ERBB2: variants seen among roughly 807,000 people sequenced by gnomAD.
ERBB2 encodes the protein erb-b2 receptor tyrosine kinase 2, also known as receptor tyrosine-protein kinase erbB-2.
A neutral mutation model predicts 149.0 loss-of-function variants in ERBB2; 61 were observed. That is an observed-to-expected ratio of 0.41 (90% confidence interval 0.33 to 0.51). ERBB2 has a LOEUF of 0.51. Among genes scored for constraint, ERBB2 ranks in the 20% least tolerant of loss-of-function variants. The pLI, the probability that ERBB2 is intolerant of heterozygous loss-of-function variation, is 0.25. For synonymous variants in ERBB2, 633 were observed against 678.8 expected, an observed-to-expected ratio of 0.93 and a Z score of 1.05; for missense variants, 1,205 against 1,655.1, an observed-to-expected ratio of 0.73 and a Z score of 4.72.
At chr17:39,716,265 TA>T in intron 12 of ERBB2, 35 bp from the exon 13 acceptor site, 4 of 1,533,210 alleles carry the variant, frequency 2.6e-6, no homozygotes, top group Non-Finnish European at 3.5e-6. Context: ...GGGCCTCCCC[TA>T]AAAGTCCCCT....
upstream of ERBB2, among the ~76,000 whole-genome samples, chr17:39,694,284 T>C (rs879410603): frequency 3.1e-4 from 14 of 44,994 alleles, no homozygotes; most frequent in Non-Finnish European, 6.9e-4. Flanking sequence ...TATATATATA[T>C]ATATACACAT....
Position 39,727,314 on chromosome 17 carries a change from C to T in ERBB2, c.3179C>T (p.Thr1060Ile), listed in dbSNP as rs2143233228. Residue 1060 changes from threonine to isoleucine, a missense_variant, in exon 26 of 27, where the codon ACA (threonine) becomes ATA (isoleucine). Thr to Ile is a moderately conservative substitution (Grantham distance 89, BLOSUM62 -1). Transcript: ENST00000269571. This position sits in a 1 kb window ranked among gnomAD's most constrained non-coding sequence, Gnocchi z 4.3. Reference protein sequence around the residue: ...SSTRSGGGDLTLGLEPSEEEA... With the variant: ...SSTRSGGGDLILGLEPSEEEA... ...CCCCAGAGTGGCGGTGGGGACCTGA[C>T]ACTAGGGCTGGAGCCCTCTGAAGAG... 2 of 1,612,982 alleles carry T rather than the reference C, an allele frequency of 1.2e-6. No individual in the cohort carries two copies. Among genetic ancestry groups the T allele is most frequent in the Non-Finnish European group, 1.7e-6 (2 of 1,179,728 alleles).
At chr17:39,702,510 G>A (rs1423049943) in intron 1 of ERBB2, among the ~76,000 whole-genome samples, 4 of 152,108 alleles carry the variant, frequency 2.6e-5, no homozygotes, top group Admixed American at 6.5e-5. Flanking sequence ...TTTAATTCCA[G>A]TATGATTCTT....
In ERBB2 at chr17:39,707,037, A is replaced by G; in HGVS notation, c.121A>G (p.Thr41Ala). The change falls in exon 2 of 27, where the codon ACC becomes GCC. Residue 41 changes from threonine (T) to alanine (A), a missense_variant. Around this residue, in one of 6 missense-constraint regions of ERBB2, gnomAD observed 101 missense variants for 95.1 expected, o/e 1.06. Transcript: ENST00000269571. ...MKLRLPASPE[T>A]HLDMLRHLYQ... The stretch of plus-strand genomic sequence containing the variant: ...GCTGCGGCTCCCTGCCAGTCCCGAG[A>G]CCCACCTGGACATGCTCCGCCACCT... 6.2e-7 allele frequency: 1 copy of G among 1,604,898 alleles called. No individual in the cohort carries two copies. The highest frequency in any genetic ancestry group is 2.3e-5 in the East Asian group (1 of 43,792).
At chr17:39,719,239 C>T (rs915408026) in intron 15 of ERBB2, among the ~76,000 whole-genome samples, 2 of 149,046 alleles carry the variant, frequency 1.3e-5, no homozygotes. Flanking sequence ...CCAACCTGGG[C>T]AACACAGTGC....
At chr17:39,688,149 T>G (rs2057603059) in exon 1 of ERBB2, 1 of 864,546 alleles carries the variant, frequency 1.2e-6, no homozygotes, top group Non-Finnish European at 1.6e-6. Context: ...AGTTCCCGGA[T>G]TTTTGTGGGC....
In ERBB2 at chr17:39,716,329, G is replaced by A. The variant is rs2145675230; in HGVS notation, c.1542G>A (p.Leu514=). The part of the protein sequence containing the change: ...CVGEGLACHQ[L]CARGHCWGPG... ...GCGAGGGCCTGGCCTGCCACCAGCT[G>A]TGCGCCCGAGGGCACTGCTGGGGTC... is the stretch of plus-strand genomic sequence containing the variant. The change falls in exon 13 of 27, where the codon CTG becomes CTA. Residue 514 remains leucine (L), a synonymous_variant. Coordinates refer to ENST00000269571, the MANE Select transcript of ERBB2 (RefSeq NM_004448.4). The A allele has an allele frequency of 6.2e-7, 1 of 1,602,490 alleles. No homozygotes were observed. Among genetic ancestry groups the A allele is most frequent in the African/African-American group, 1.3e-5 (1 of 74,664 alleles).
chr17:39,724,161 C>G (rs1021562621), intron 19 of ERBB2, 151 bp downstream of exon 19: 17 of 603,166 alleles, frequency 2.8e-5, no homozygotes, highest in Non-Finnish European at 3.5e-5. Context: ...CTCTGTCACC[C>G]AGGCTGGAGT....
intron 2 of ERBB2, among the ~76,000 whole-genome samples, chr17:39,689,443 C>T (rs528524646): frequency 3.9e-4 from 60 of 152,276 alleles, no homozygotes; most frequent in South Asian, 2.1e-3. Flanking sequence ...TACTTTGCAT[C>T]TTACAGATTA....
At chr17:39,699,417 C>T (rs1291641076), upstream of ERBB2, 13 of 710,170 alleles carry the variant, frequency 1.8e-5, no homozygotes, top group African/African-American at 3.6e-5. Flanking sequence ...GCAGAGATCG[C>T]GCCATTGCTC....
chr17:39,723,782 C>G lies in ERBB2; in HGVS notation c.2208+122C>G. 1 of 1,504,520 alleles carries G rather than the reference C, an allele frequency of 6.6e-7. No homozygotes were observed. The allele number at this position is 1,504,520 out of a possible 1,614,324, so 93.2% of individuals were successfully genotyped here. A position where few individuals can be genotyped will look rare whatever the true frequency, so the allele number is the denominator to read the frequency against. ...GGCAGTGTTTGGGGGAGGGCAGTTA[C>G]AGCGGAGAAGGGAGCGGGGCCAAGC... On this transcript the variant is annotated intron_variant, in intron 18 of 26. Transcript: ENST00000269571. This position sits in a 1 kb window ranked among gnomAD's most constrained non-coding sequence, Gnocchi z 6.2.
rs1457127715 is a variant in ERBB2 at position 39,715,810 on chromosome 17, G to A, written c.1384G>A (p.Gly462Ser). Residue 462 changes from glycine (G) to serine (S), a missense_variant, in exon 12 of 27, where the codon GGC becomes AGC. Physicochemically the swap from Gly to Ser is moderately conservative, Grantham distance 56 (BLOSUM62 0). This residue lies in a region of ERBB2 where 569 missense variants were observed against 803.5 expected (regional missense o/e 0.71). Transcript: ENST00000269571. The stretch of plus-strand genomic sequence containing the variant: ...GGGGCTGCGCTCACTGAGGGAACTG[G>A]GCAGTGGACTGGCCCTCATCCACCA... Reference protein sequence around the residue: ...WLGLRSLRELGSGLALIHHNT... With the variant: ...WLGLRSLRELSSGLALIHHNT... 2 of 1,610,938 alleles carry A rather than the reference G, an allele frequency of 1.2e-6. No homozygotes were observed.
At position 39,725,409 on chromosome 17, in the gene ERBB2, G is replaced by A; in HGVS notation, c.2725+7G>A. 6.2e-7 allele frequency: 1 copy of A among 1,604,710 alleles called. No homozygotes were observed. Among genetic ancestry groups the A allele is most frequent in the Non-Finnish European group, 8.5e-7 (1 of 1,171,664 alleles). The stretch of plus-strand genomic sequence containing the variant: ...AGTGATGTGTGGAGTTATGGTGTGT[G>A]ATGGGGGGTGTTGGGAGGGGTGGGT... On this transcript the variant is annotated splice_region_variant and intron_variant, in intron 22 of 26. Transcript: ENST00000269571. The surrounding 1 kb of genome is among the most constrained non-coding windows in gnomAD (Gnocchi z 4.6).
rs1273399733 is a variant in ERBB2, at chr17:39,710,180, C to A, written c.738C>A (p.Gly246=). 1 of 1,612,782 alleles carries A rather than the reference C, an allele frequency of 6.2e-7. No individual in the cohort carries two copies. The highest frequency in any genetic ancestry group is 8.5e-7 in the Non-Finnish European group (1 of 1,179,638). Residue 246 remains glycine, a synonymous_variant, in exon 6 of 27, where the codon GGC becomes GGA. Transcript: ENST00000269571. ...AGCAGTGTGCTGCCGGCTGCACGGG[C>A]CCCAAGCACTCTGACTGCCTGGTAT... The part of the protein sequence containing the change: ...CHEQCAAGCT[G]PKHSDCLACL...
rs1015994149 is a variant in ERBB2 at position 39,724,599 on chromosome 17, G to A, written c.2308-127G>A. On this transcript the variant is annotated intron_variant, in intron 19 of 26. Coordinates refer to ENST00000269571, the MANE Select transcript of ERBB2 (RefSeq NM_004448.4). ...AGTAGAGACAGGGTTTCACCATGTT[G>A]TCCAGGCTGGTACTTTGAGCCTTCA... is the stretch of plus-strand genomic sequence containing the variant. 10 of 796,334 alleles carry A rather than the reference G, an allele frequency of 1.3e-5. No homozygotes were observed. The African/African-American group carries it at 1.7e-4, about 14-fold the overall frequency. The allele number at this position is 796,334 out of a possible 1,614,324, so 49.3% of individuals were successfully genotyped here.
In ERBB2 at chr17:39,712,184, C is replaced by G. The variant is rs749108289; in HGVS notation, c.1021+137C>G. ...CTGCCTTCTACTCTCTACCCCTGGC[C>G]CCCCTCAGCCCTACAAGTGTCCCTA... On this transcript the variant is annotated intron_variant, in intron 8 of 26. Transcript: ENST00000269571. 13 of 1,514,504 alleles carry G rather than the reference C, an allele frequency of 8.6e-6. No individual in the cohort carries two copies. In the East Asian group the frequency reaches 2.5e-4, roughly 29 times the overall value. 93.8% of individuals were successfully genotyped at this position (1,514,504 alleles called of 1,614,324 possible). A position where few individuals can be genotyped will look rare whatever the true frequency, so the allele number is the denominator to read the frequency against.
intron 1 of ERBB2, among the ~76,000 whole-genome samples, chr17:39,701,322 C>A (rs1354032179): frequency 6.6e-6 from 1 of 152,124 alleles, no homozygotes; most frequent in Non-Finnish European, 1.5e-5. Context: ...TGCCAGCATT[C>A]TGGACTGAGT....
rs1427201404 is a variant in ERBB2, at chr17:39,727,974, C to T, written c.3698C>T (p.Pro1233Leu). 2 of 1,613,516 alleles carry T rather than the reference C, an allele frequency of 1.2e-6. No homozygotes were observed. The highest frequency in any genetic ancestry group is 1.3e-5 in the African/African-American group (1 of 74,934). ...WDQDPPERGAPPSTFKGTPTA... is the reference protein window; with the variant it reads ...WDQDPPERGALPSTFKGTPTA... The stretch of plus-strand genomic sequence containing the variant: ...CAGGACCCACCAGAGCGGGGGGCTC[C>T]ACCCAGCACCTTCAAAGGGACACCT... Residue 1233 changes from proline to leucine, a missense_variant, in exon 27 of 27, where the codon CCA (proline) becomes CTA (leucine). Transcript: ENST00000269571. This position sits in a 1 kb window ranked among gnomAD's most constrained non-coding sequence, Gnocchi z 4.3.
rs1421674174 is a variant in ERBB2 at position 39,726,601 on chromosome 17, A to G, written c.2912A>G (p.Glu971Gly). The change falls in exon 24 of 27, where the codon GAG (glutamate) becomes GGG (glycine). Residue 971 changes from glutamate to glycine, a missense_variant. Transcript: ENST00000269571. The surrounding 1 kb of genome is among the most constrained non-coding windows in gnomAD (Gnocchi z 5.1). ...TCTGAATGTCGGCCAAGATTCCGGG[A>G]GTTGGTGTCTGAATTCTCCCGCATG... is the stretch of plus-strand genomic sequence containing the variant. ...IDSECRPRFR[E>G]LVSEFSRMAR... The G allele has an allele frequency of 1.2e-6, 2 of 1,614,094 alleles. No homozygotes were observed.
Sources: gnomAD v4.1 joint callset for allele counts (sites outside exome capture counted in the v4.1 genomes callset) on GRCh38, gnomAD v4.1.1 for gene constraint, gnomAD v4.1.1 regional missense constraint, Gnocchi (gnomAD v3.1) non-coding constraint, MANE v1.5 for transcripts, NCBI Gene and HGNC (gene_info 2026-07-23, HGNC 2026-07-21) for gene names.